Variants in PBRM1 observed in about 807,000 individuals in gnomAD.
The protein encoded by PBRM1 is protein polybromo-1.
In PBRM1, 27 loss-of-function variants were observed where a neutral mutation model predicts 194.5. The ratio of observed to expected loss-of-function variants is 0.14; its 90% confidence interval spans 0.10 to 0.19. The LOEUF is 0.19. PBRM1 is among the 10% of genes least tolerant of loss of function. The probability of loss-of-function intolerance (pLI) is 1.00; values close to 1 mark genes in which losing one functional copy is unlikely to be tolerated. For synonymous variants in PBRM1, 655 were observed against 693.2 expected, an observed-to-expected ratio of 0.94 and a Z score of 0.87; for missense variants, 1,466 against 2,077.2, an observed-to-expected ratio of 0.71 and a Z score of 5.72.
chr3:52,552,992 C>T (rs2081333666), intron 27 of PBRM1, among the ~76,000 whole-genome samples: 1 of 152,230 alleles, frequency 6.6e-6, no homozygotes, highest in Non-Finnish European at 1.5e-5. Flanking sequence ...GCAACTCTCA[C>T]AAAGAGTGTG....
chr3:52,659,318 G>C (rs1275979493), intron 4 of PBRM1, among the ~76,000 whole-genome samples: 2 of 152,130 alleles, frequency 1.3e-5, no homozygotes, highest in Non-Finnish European at 2.9e-5. Context: ...ATCATTTTTT[G>C]TACATATAAA....
chr3:52,648,207 T>C (rs930028492), intron 7 of PBRM1, 137 bp downstream of exon 8: 3 of 568,094 alleles, frequency 5.3e-6, no homozygotes, highest in Non-Finnish European at 9.1e-6. Context: ...GCGCCCAGCC[T>C]AAATTAAACA....
exon 20 of PBRM1, chr3:52,586,544 C>A (rs936829713): frequency 6.2e-7 from 1 of 1,614,110 alleles, no homozygotes; most frequent in East Asian, 2.2e-5. Context: ...GGCAGAGGCA[C>A]ATCCCGAGGG....
At chr3:52,639,119 G>A (rs1352856411) in intron 10 of PBRM1, among the ~76,000 whole-genome samples, 2 of 151,924 alleles carry the variant, frequency 1.3e-5, no homozygotes, top group Admixed American at 6.6e-5. Context: ...CAAGTACCTG[G>A]GATTGCAGGC....
At chr3:52,681,522 A>G (rs145071647), upstream of PBRM1, among the ~76,000 whole-genome samples, 483 of 152,360 alleles carry the variant, frequency 3.2e-3, 3 homozygotes, top group African/African-American at 0.011. Flanking sequence ...CAATTCATTA[A>G]GATAAATTAA....
intron 2 of PBRM1, among the ~76,000 whole-genome samples, chr3:52,674,637 AAAAAAAAT>A (rs1561074965): frequency 7.7e-6 from 1 of 130,334 alleles, no homozygotes; most frequent in African/African-American, 2.7e-5. Flanking sequence ...CAAAAAAAAA[AAAAAAAAT>A]ATATATATAT....
At chr3:52,588,728 G>T (rs1030187455) in intron 18 of PBRM1, among the ~76,000 whole-genome samples, 2 of 151,696 alleles carry the variant, frequency 1.3e-5, no homozygotes, top group Middle Eastern at 3.4e-3. Context: ...CTCATTTTTT[G>T]TATCTTTTTA....
intron 22 of PBRM1, among the ~76,000 whole-genome samples, chr3:52,574,184 C>T (rs1288582552): frequency 1.3e-5 from 2 of 152,210 alleles, no homozygotes; most frequent in African/African-American, 4.8e-5. Flanking sequence ...AAGGTGCCAG[C>T]ATCTGGCAAG....
intron 11 of PBRM1, among the ~76,000 whole-genome samples, chr3:52,630,084 AAAGGG>A (rs2095568026): frequency 6.6e-6 from 1 of 152,216 alleles, no homozygotes; most frequent in African/African-American, 2.4e-5. Context: ...CCGTCAACTC[AAAGGG>A]TAGAGGGCTA....
At chr3:52,592,534 G>A (rs1293163832) in intron 17 of PBRM1, among the ~76,000 whole-genome samples, 2 of 152,178 alleles carry the variant, frequency 1.3e-5, no homozygotes, top group Non-Finnish European at 2.9e-5. Flanking sequence ...TGGTGGATTA[G>A]CTATTTGATA....
At position 52,600,185 on chromosome 3, in the gene PBRM1, T is replaced by A. The variant is rs116567439; in HGVS notation, c.2779+3336A>T. On this transcript the variant is annotated intron_variant, in intron 17 of 29. Coordinates refer to ENST00000296302, the Ensembl canonical transcript of PBRM1. Reference sequence around the variant, plus strand: ...TCTCTTTTTATCTATTTGGGGATCTTTGACTCCTCTGTAACTGGATGTCTA... The same window carrying A: ...TCTCTTTTTATCTATTTGGGGATCTATGACTCCTCTGTAACTGGATGTCTA... Among the ~76,000 whole-genome samples, 9 of 152,188 alleles carry A rather than the reference T, an allele frequency of 5.9e-5. 1 individual carries two copies. The highest frequency in any genetic ancestry group is 5.9e-4 in the Admixed American group (9 of 15,280).
rs184160227 is a variant in PBRM1, at chr3:52,593,451, G to A, written c.2780-4196C>T. Among the ~76,000 whole-genome samples the A allele has an allele frequency of 2.6e-5, 4 of 152,222 alleles. No individual in the cohort carries two copies. In the East Asian group the frequency reaches 5.8e-4, roughly 22 times the overall value. ...GAGGTTTTGCCATGTTGGCTAGGGT[G>A]GTCTCAAACTGCTAGCCTGAAGCAA... is the stretch of plus-strand genomic sequence containing the variant. On this transcript the variant is annotated intron_variant, in intron 17 of 29. Coordinates refer to ENST00000296302, the Ensembl canonical transcript of PBRM1.
chr3:52,622,105 C>T (rs755121586), intron 13 of PBRM1, among the ~76,000 whole-genome samples: 5 of 151,002 alleles, frequency 3.3e-5, no homozygotes, highest in African/African-American at 9.8e-5. Context: ...TGTGAGAGGC[C>T]GAGGCAGGCA....
chr3:52,662,099 G>C, intron 4 of PBRM1, 34 bp downstream of exon 5: 17 of 1,608,142 alleles, frequency 1.1e-5, no homozygotes, highest in Non-Finnish European at 1.4e-5. Flanking sequence ...CCTTCCAAGA[G>C]CCCATCCATC....
chr3:52,614,310 G>A (rs542153680), intron 15 of PBRM1, among the ~76,000 whole-genome samples: 1 of 139,578 alleles, frequency 7.2e-6, no homozygotes, highest in East Asian at 2.4e-4. Flanking sequence ...GGAGGCAGAG[G>A]TTGCAGTGAG....
intron 7 of PBRM1, among the ~76,000 whole-genome samples, chr3:52,647,058 C>CA (rs1438957093): frequency 1.2e-4 from 18 of 151,660 alleles, no homozygotes; most frequent in Non-Finnish European, 2.7e-4. Context: ...AACTCAACAA[C>CA]AAAAAAACAG....
At chr3:52,620,435 A>G (rs1021685181) in intron 13 of PBRM1, among the ~76,000 whole-genome samples, 1 of 152,210 alleles carries the variant, frequency 6.6e-6, no homozygotes, top group African/African-American at 2.4e-5. Flanking sequence ...TTAACAGTTC[A>G]GTCAAGGCCC....
At position 52,615,208 on chromosome 3, in the gene PBRM1, A is replaced by G. The variant is rs2094893215; in HGVS notation, c.1924+143T>C. On this transcript the variant is annotated intron_variant, in intron 15 of 29. Coordinates refer to ENST00000296302, the Ensembl canonical transcript of PBRM1. Reference sequence around the variant, plus strand: ...AGCTACTTAAAATACAGTAAATGAGAGGGCTTGACAAGAACAAAGAACTCC... The same window carrying G: ...AGCTACTTAAAATACAGTAAATGAGGGGGCTTGACAAGAACAAAGAACTCC... 6 of 547,578 alleles carry G rather than the reference A, an allele frequency of 1.1e-5. No homozygotes were observed. In the South Asian group the frequency reaches 1.2e-4, roughly 11 times the overall value. The allele number at this position is 547,578 out of a possible 1,614,324, so 33.9% of individuals were successfully genotyped here.
intron 13 of PBRM1, 23 bp downstream of exon 15, chr3:52,624,874 A>G (rs755854076): frequency 6.9e-7 from 1 of 1,445,650 alleles, no homozygotes; most frequent in Non-Finnish European, 9.5e-7. Context: ...AAGAATGTTT[A>G]TGCATAAAAA....
Sources: allele counts gnomAD v4.1 joint callset (sites outside exome capture counted in the v4.1 genomes callset), GRCh38; gene constraint gnomAD v4.1.1; transcripts MANE v1.5; gene names NCBI Gene and HGNC (gene_info 2026-07-23, HGNC 2026-07-21).